The following ASAP3 variants were observed in gnomAD, a reference collection of about 807,000 sequenced individuals.
The protein encoded by ASAP3 is arf-GAP with SH3 domain, ANK repeat and PH domain-containing protein 3.
A neutral mutation model predicts 118.2 loss-of-function variants in ASAP3; 85 were observed. The observed-to-expected ratio is 0.72, with a 90% CI of 0.60 to 0.86. The LOEUF (loss-of-function observed/expected upper bound fraction) is 0.86. Ranked by LOEUF, ASAP3 falls within the 40% of genes least tolerant of loss-of-function variation. ASAP3 has a pLI of 0.00. For synonymous variants in ASAP3, 432 were observed against 477.4 expected (o/e 0.90, Z 1.24); for missense variants, 1,026 against 1,175.0 (o/e 0.87, Z 1.85).
chr1:23,434,430 CA>C, intron 18 of ASAP3, 61 bp from the exon 19 acceptor site: 14 of 1,603,888 alleles, frequency 8.7e-6, no homozygotes, highest in Non-Finnish European at 1.2e-5. Context: ...GGATCAAAGT[CA>C]GGGGAAAAAG....
Position 23,436,535 on chromosome 1 carries a change from C to T in ASAP3, c.1571+25G>A. On this transcript the variant is annotated intron_variant, in intron 16 of 24. Transcript: ENST00000336689. The surrounding 1 kb of genome is among the most constrained non-coding windows in gnomAD (Gnocchi z 4.2). Reference sequence around the variant, plus strand: ...GAGGCAGAATCCCCTAGGCAGGGTGCCCCTCTCTCTGAGAATCCCCTTACA... The same window carrying T: ...GAGGCAGAATCCCCTAGGCAGGGTGTCCCTCTCTCTGAGAATCCCCTTACA... 1 of 1,611,290 alleles carries T rather than the reference C, an allele frequency of 6.2e-7. No individual in the cohort carries two copies. Among genetic ancestry groups the T allele is most frequent in the South Asian group, 1.1e-5 (1 of 91,036 alleles).
At chr1:23,471,478 C>T (rs1329408355) in intron 1 of ASAP3, among the ~76,000 whole-genome samples, 1 of 152,168 alleles carries the variant, frequency 6.6e-6, no homozygotes, top group Non-Finnish European at 1.5e-5. Context: ...ACACAAAACT[C>T]AGGATGTGGG....
Position 23,433,141 on chromosome 1 carries a change from C to G in ASAP3, c.2259G>C (p.Pro753=), listed in dbSNP as rs757770109. ...TPQGESEDCP[P]PLPVKNSSRT... is the part of the protein sequence containing the mutation. ...GAGAAGAGTTTTTGACTGGCAAGGG[C>G]GGGGGACAGTCCTCACTCTCGCCCT... Residue 753 remains proline (P), a synonymous_variant, in exon 22 of 25, where the codon CCG becomes CCC. Transcript: ENST00000336689. 6.2e-7 allele frequency: 1 copy of G among 1,614,006 alleles called. No individual in the cohort carries two copies. The highest frequency in any genetic ancestry group is 1.7e-5 in the Admixed American group (1 of 59,994).
chr1:23,444,461 A>T (rs1029733853), intron 5 of ASAP3, among the ~76,000 whole-genome samples: 1 of 152,214 alleles, frequency 6.6e-6, no homozygotes, highest in Non-Finnish European at 1.5e-5. Context: ...GAAGACAAAG[A>T]CAGAGTGGGA....
Position 23,438,266 on chromosome 1 carries a change from C to G in ASAP3, c.1102+481G>C, listed in dbSNP as rs1640746751. On this transcript the variant is annotated intron_variant, in intron 12 of 24. Transcript: ENST00000336689. This position sits in a 1 kb window ranked among gnomAD's most constrained non-coding sequence, Gnocchi z 4.9. ...TATCTGCACCCATCTTCTGGACAGC[C>G]CCCTCATCTTACAGTCCTGGGTACC... Among the ~76,000 whole-genome samples the G allele has an allele frequency of 6.6e-6, 1 of 152,158 alleles. No individual in the cohort carries two copies. The highest frequency in any genetic ancestry group is 1.5e-5 in the Non-Finnish European group (1 of 68,042).
intron 1 of ASAP3, among the ~76,000 whole-genome samples, chr1:23,460,486 G>GGGCA (rs1641547050): frequency 7.9e-6 from 1 of 127,208 alleles, no homozygotes; most frequent in Non-Finnish European, 1.6e-5. Context: ...CAGCCCAGGT[G>GGGCA]ACAGAGTGAG....
rs1454402959 is a variant in ASAP3, at chr1:23,436,521, C to G, written c.1571+39G>C. Reference sequence around the variant, plus strand: ...CCCTGGACACTGCGGAGGCAGAATCCCCTAGGCAGGGTGCCCCTCTCTCTG... The same window carrying G: ...CCCTGGACACTGCGGAGGCAGAATCGCCTAGGCAGGGTGCCCCTCTCTCTG... On this transcript the variant is annotated intron_variant, in intron 16 of 24. Transcript: ENST00000336689. This position sits in a 1 kb window ranked among gnomAD's most constrained non-coding sequence, Gnocchi z 4.2. The G allele has an allele frequency of 6.2e-7, 1 of 1,606,106 alleles. No homozygotes were observed. Among genetic ancestry groups the G allele is most frequent in the Non-Finnish European group, 8.5e-7 (1 of 1,172,860 alleles).
chr1:23,460,753 C>A (rs746452660), intron 1 of ASAP3, among the ~76,000 whole-genome samples: 3 of 152,096 alleles, frequency 2.0e-5, no homozygotes, highest in African/African-American at 4.8e-5. Context: ...CGTATACATA[C>A]CTGCACACGG....
intron 1 of ASAP3, among the ~76,000 whole-genome samples, chr1:23,466,641 C>A (rs1240766784): frequency 6.6e-6 from 1 of 152,210 alleles, no homozygotes; most frequent in Non-Finnish European, 1.5e-5. Flanking sequence ...CTGCATGCCC[C>A]CTTCTGGGTC....
chr1:23,442,654 C>T lies in ASAP3; in HGVS notation c.474-42G>A, dbSNP rs559773757. The T allele has an allele frequency of 5.0e-6, 8 of 1,595,976 alleles. No individual in the cohort carries two copies. The African/African-American group carries it at 1.1e-4, about 21-fold the overall frequency. Reference sequence around the variant, plus strand: ...GAGAAGCCTGAACAAGTCTCACCAGCCCCTATATCCTCTTCTGCCAAGGAT... The same window carrying T: ...GAGAAGCCTGAACAAGTCTCACCAGTCCCTATATCCTCTTCTGCCAAGGAT... On this transcript the variant is annotated intron_variant, in intron 5 of 24. Transcript: ENST00000336689.
At chr1:23,433,588 GA>G (rs1282875516) in intron 20 of ASAP3, 37 bp downstream of exon 20, 1 of 1,614,206 alleles carries the variant, frequency 6.2e-7, no homozygotes, top group East Asian at 2.2e-5. Context: ...CAGGGAGAGA[GA>G]AAGAGTCAGG....
At chr1:23,434,222 G>A (rs1558108895) in intron 19 of ASAP3, 32 bp downstream of exon 19, 1 of 1,602,706 alleles carries the variant, frequency 6.2e-7, no homozygotes, top group Non-Finnish European at 8.5e-7. Context: ...GTCAGGAATA[G>A]GAGTCTGACG....
In ASAP3 at chr1:23,484,038, G is replaced by C; in HGVS notation, c.96C>G (p.Pro32=). The change falls in exon 1 of 25, where the codon CCC becomes CCG. Residue 32 remains proline, a synonymous_variant. Transcript: ENST00000336689. ...GCGCCAGCGCCGCCCCTCGGTACCGGGGCATCTTGGCGGCGAAGGCGGCGG... is the reference window on the plus strand; with the variant it reads ...GCGCCAGCGCCGCCCCTCGGTACCGCGGCATCTTGGCGGCGAAGGCGGCGG... ...AGAAAFAAKM[P]RYRGAALARE... is the part of the protein sequence containing the mutation. 1.5e-6 allele frequency: 2 copies of C among 1,337,338 alleles called. No individual in the cohort carries two copies. Among genetic ancestry groups the C allele is most frequent in the Non-Finnish European group, 1.9e-6 (2 of 1,046,078 alleles). The allele number at this position is 1,337,338 out of a possible 1,614,324, so 82.8% of individuals were successfully genotyped here.
chr1:23,477,398 A>AAAAAAAAG, intron 1 of ASAP3, among the ~76,000 whole-genome samples: 1 of 139,618 alleles, frequency 7.2e-6, no homozygotes, highest in Non-Finnish European at 1.5e-5. Context: ...AAAAAAAAAA[A>AAAAAAAAG]GAAGATGTTC....
At chr1:23,443,887 A>AT (rs1640960304) in intron 5 of ASAP3, among the ~76,000 whole-genome samples, 1 of 151,670 alleles carries the variant, frequency 6.6e-6, no homozygotes, top group South Asian at 2.1e-4. Context: ...TGCCTGGCTA[A>AT]TTTTTTTGTA....
At chr1:23,456,784 G>A (rs923014315) in intron 1 of ASAP3, among the ~76,000 whole-genome samples, 1 of 152,188 alleles carries the variant, frequency 6.6e-6, no homozygotes, top group African/African-American at 2.4e-5. Context: ...AGGCCAGGAT[G>A]CTATGGGTGA....
chr1:23,446,541 G>A (rs949098535), intron 5 of ASAP3, among the ~76,000 whole-genome samples: 5 of 150,798 alleles, frequency 3.3e-5, no homozygotes, highest in Admixed American at 1.3e-4. Flanking sequence ...AGGTTCAAGC[G>A]ATTCTCCTGC....
intron 9 of ASAP3, 53 bp from the exon 10 acceptor site, chr1:23,441,264 C>T: frequency 2.5e-6 from 4 of 1,608,578 alleles, no homozygotes; most frequent in Non-Finnish European, 3.4e-6. Flanking sequence ...GGGAAGAGCC[C>T]CATTCTGCGG....
chr1:23,456,283 C>G (rs182715031), intron 1 of ASAP3, 89 bp from the exon 2 acceptor site: 22 of 1,234,304 alleles, frequency 1.8e-5, no homozygotes, highest in East Asian at 2.5e-5. Flanking sequence ...TTTCCACCCC[C>G]CAACCGCCCT....
Sources: allele counts gnomAD v4.1 joint callset (sites outside exome capture counted in the v4.1 genomes callset), GRCh38; gene constraint gnomAD v4.1.1; non-coding constraint Gnocchi (gnomAD v3.1); transcripts MANE v1.5; gene names NCBI Gene and HGNC (gene_info 2026-07-23, HGNC 2026-07-21).